The following PREX2 variants were observed in gnomAD, a reference collection of about 807,000 sequenced individuals.
The protein encoded by PREX2 is phosphatidylinositol-3,4,5-trisphosphate dependent Rac exchange factor 2.
Under a neutral mutation model 203.2 loss-of-function variants are expected in PREX2, and 107 were observed. That is an observed-to-expected ratio of 0.53 (90% CI 0.45 to 0.62). The LOEUF is 0.62. Among genes scored for constraint, PREX2 ranks in the 20% least tolerant of loss-of-function variants. The pLI, the probability that PREX2 is intolerant of heterozygous loss-of-function variation, is 0.00. For synonymous variants in PREX2, 672 were observed against 663.6 expected (o/e 1.01, Z -0.19); for missense variants, 1,777 against 1,955.9 (o/e 0.91, Z 1.72).
intron 20 of PREX2, among the ~76,000 whole-genome samples, chr8:68,093,122 A>G (rs1809933790): frequency 6.6e-6 from 1 of 152,116 alleles, no homozygotes; most frequent in Admixed American, 6.5e-5. Flanking sequence ...CAGGCGCAGT[A>G]GCTCCTGCCT....
intron 1 of PREX2, among the ~76,000 whole-genome samples, chr8:67,973,433 C>A (rs1031815478): frequency 6.6e-6 from 1 of 152,152 alleles, no homozygotes; most frequent in Non-Finnish European, 1.5e-5. Flanking sequence ...AAACATCTTG[C>A]TGATCTGCCT....
At chr8:68,220,984 C>T (rs1812942487) in intron 38 of PREX2, among the ~76,000 whole-genome samples, 1 of 152,024 alleles carries the variant, frequency 6.6e-6, no homozygotes, top group African/African-American at 2.4e-5. Context: ...ACATAATACC[C>T]AATAGGTAAT....
In PREX2 at chr8:68,065,831, T is replaced by C. The variant is rs137920997; in HGVS notation, c.1340-3202T>C. On this transcript the variant is annotated intron_variant, in intron 11 of 39. Transcript: ENST00000288368. ...CTAAAACAGACATTTTTTATTAGAC[T>C]GTGTATAAAACAACTTAGCCTGAAA... Among the ~76,000 whole-genome samples the C allele has an allele frequency of 2.3e-3, 348 of 152,344 alleles. 3 individuals carry two copies. Among genetic ancestry groups the C allele is most frequent in the African/African-American group, 7.9e-3 (327 of 41,590 alleles).
intron 15 of PREX2, among the ~76,000 whole-genome samples, chr8:68,080,144 A>G (rs1809468968): frequency 6.6e-6 from 1 of 152,158 alleles, no homozygotes; most frequent in South Asian, 2.1e-4. Context: ...TTAAATTTGG[A>G]TTTTAATCTG....
chr8:68,203,311 G>T (rs1812545154), intron 37 of PREX2, among the ~76,000 whole-genome samples: 1 of 152,142 alleles, frequency 6.6e-6, no homozygotes, highest in African/African-American at 2.4e-5. Flanking sequence ...CAGGATGGAG[G>T]GCTGCTACAG....
rs1315876358 is a variant in PREX2, at chr8:68,184,920, T to C, written c.4347-6802T>C. Among the ~76,000 whole-genome samples, 3 of 152,206 alleles carry C rather than the reference T, an allele frequency of 2.0e-5. No homozygotes were observed. In the East Asian group the frequency reaches 5.8e-4, roughly 29 times the overall value. On this transcript the variant is annotated intron_variant, in intron 35 of 39. Transcript: ENST00000288368. ...TCCCTGGAGCACCAGCTTAACCCTA[T>C]TGAGCTAGGATTCTCATTACTTACC...
chr8:67,955,404 C>T (rs964038104), intron 1 of PREX2, among the ~76,000 whole-genome samples: 2 of 152,174 alleles, frequency 1.3e-5, no homozygotes, highest in African/African-American at 4.8e-5. Flanking sequence ...AGCTCTGTGT[C>T]TTCAGCTGGC....
chr8:67,987,152 C>CAAAAA (rs57315665), intron 1 of PREX2, among the ~76,000 whole-genome samples: 1 of 55,108 alleles, frequency 1.8e-5, no homozygotes, highest in Non-Finnish European at 3.3e-5. Flanking sequence ...GACTTCATCT[C>CAAAAA]AAAAAAAAAA....
intron 9 of PREX2, among the ~76,000 whole-genome samples, chr8:68,055,248 G>T (rs910623877): frequency 6.6e-6 from 1 of 152,134 alleles, no homozygotes; most frequent in Non-Finnish European, 1.5e-5. Flanking sequence ...GTTGAGCAAG[G>T]ATCTTGGCTA....
At chr8:68,138,069 AGTTT>A (rs1284242080) in intron 32 of PREX2, among the ~76,000 whole-genome samples, 5 of 152,220 alleles carry the variant, frequency 3.3e-5, no homozygotes, top group Admixed American at 6.5e-5. Flanking sequence ...AGATTTTAGA[AGTTT>A]AGATGCAAAT....
intron 23 of PREX2, among the ~76,000 whole-genome samples, chr8:68,102,074 C>T (rs951655727): frequency 1.3e-5 from 2 of 152,158 alleles, no homozygotes; most frequent in African/African-American, 4.8e-5. Context: ...CGCAGATGGG[C>T]AGGCTAATGG....
chr8:67,957,669 A>G (rs895114446), intron 1 of PREX2, among the ~76,000 whole-genome samples: 14 of 152,248 alleles, frequency 9.2e-5, no homozygotes, highest in Admixed American at 9.2e-4. Flanking sequence ...AGGCAAACAA[A>G]GCAAAAGCAA....
At chr8:68,169,750 G>A (rs1010968305) in intron 35 of PREX2, among the ~76,000 whole-genome samples, 1 of 152,132 alleles carries the variant, frequency 6.6e-6, no homozygotes, top group African/African-American at 2.4e-5. Flanking sequence ...ACAGTAGACG[G>A]TGAGAACAAA....
rs777337689 is a variant in PREX2 at position 68,146,191 on chromosome 8, T to C, written c.4088-18T>C. On this transcript the variant is annotated intron_variant, in intron 33 of 39. Coordinates refer to ENST00000288368, the MANE Select transcript of PREX2 (RefSeq NM_024870.4). ...ATCCTTATTTTAGGAAGTAATATAC[T>C]ATTAAATATCATTTTAGATGTTCCT... The C allele has an allele frequency of 6.3e-7, 1 of 1,577,394 alleles. No individual in the cohort carries two copies.
Position 68,144,421 on chromosome 8 carries a change from C to T in PREX2, c.4088-1788C>T, listed in dbSNP as rs150264993. Among the ~76,000 whole-genome samples, 195 of 151,894 alleles carry T rather than the reference C, an allele frequency of 1.3e-3. 1 individual carries two copies. Among genetic ancestry groups the T allele is most frequent in the African/African-American group, 4.3e-3 (177 of 41,436 alleles). ...CTTGTAATATTTTATTAAAGTTATA[C>T]CTAAGTATTTTATTTTGGGGAGGTG... On this transcript the variant is annotated intron_variant, in intron 33 of 39. Transcript: ENST00000288368.
chr8:68,036,807 T>G (rs778131858), intron 6 of PREX2, among the ~76,000 whole-genome samples: 1 of 151,792 alleles, frequency 6.6e-6, no homozygotes, highest in Non-Finnish European at 1.5e-5. Flanking sequence ...TAGCTGGGCG[T>G]GGTGGCATGC....
At chr8:67,962,215 T>G (rs969445794) in intron 1 of PREX2, among the ~76,000 whole-genome samples, 2 of 152,224 alleles carry the variant, frequency 1.3e-5, no homozygotes, top group African/African-American at 4.8e-5. Context: ...TTTCAGAGAT[T>G]GTGCAAGAAA....
At chr8:67,986,060 G>A (rs978299008) in intron 1 of PREX2, among the ~76,000 whole-genome samples, 2 of 152,208 alleles carry the variant, frequency 1.3e-5, no homozygotes, top group African/African-American at 4.8e-5. Flanking sequence ...ACTGGCAAAA[G>A]CGTTTTGAGA....
intron 1 of PREX2, among the ~76,000 whole-genome samples, chr8:67,996,682 A>G (rs1806776221): frequency 6.6e-6 from 1 of 152,170 alleles, no homozygotes; most frequent in East Asian, 1.9e-4. Context: ...TATGGTTAAT[A>G]TATCATTTTA....
Sources: allele counts gnomAD v4.1 joint callset (sites outside exome capture counted in the v4.1 genomes callset), GRCh38; gene constraint gnomAD v4.1.1; transcripts MANE v1.5; gene names NCBI Gene and HGNC (gene_info 2026-07-23, HGNC 2026-07-21).